The following VPS13B variants were observed in gnomAD, a reference collection of about 807,000 sequenced individuals.
The protein encoded by VPS13B is vacuolar protein sorting 13 homolog B, also known as intermembrane lipid transfer protein VPS13B.
In VPS13B, 285 loss-of-function variants were observed where a neutral mutation model predicts 426.4. The observed-to-expected ratio is 0.67, with a 90% CI of 0.61 to 0.74. The LOEUF (loss-of-function observed/expected upper bound fraction) is 0.74, where lower values mean the gene tolerates loss of function less well. VPS13B is among the 30% of genes least tolerant of loss of function. The probability of loss-of-function intolerance (pLI) is 0.00; values close to 1 mark genes in which losing one functional copy is unlikely to be tolerated. For missense variants in VPS13B, 4,537 were observed against 4,782.6 expected, an observed-to-expected ratio of 0.95 and a Z score of 1.51; for synonymous variants, 1,676 against 1,676.4, an observed-to-expected ratio of 1.00 and a Z score of 0.01.
intron 15 of VPS13B, among the ~76,000 whole-genome samples, chr8:99,164,741 T>C (rs1308161298): frequency 6.6e-6 from 1 of 152,156 alleles, no homozygotes; most frequent in Non-Finnish European, 1.5e-5. Flanking sequence ...TTTTTAACTC[T>C]CTCTTTAACT....
chr8:99,133,277 G>A (rs573279443), intron 8 of VPS13B, among the ~76,000 whole-genome samples: 5 of 152,234 alleles, frequency 3.3e-5, no homozygotes, highest in African/African-American at 1.2e-4. Flanking sequence ...TGCTACTGTC[G>A]GACTTTTCTC....
In VPS13B at chr8:99,379,404, C is replaced by T. The variant is rs780100699; in HGVS notation, c.2825-4804C>T. ...TATTTTTTAATGTTTCCTTTTCTAG[C>T]TGTTACTAGTTTCACAAATTTTCAG... On this transcript the variant is annotated intron_variant, in intron 19 of 61. Transcript: ENST00000357162. Among the ~76,000 whole-genome samples the T allele has an allele frequency of 2.0e-5, 3 of 152,012 alleles. No individual in the cohort carries two copies. In the East Asian group the frequency reaches 5.8e-4, roughly 29 times the overall value.
chr8:99,028,254 G>C (rs1283065459), intron 2 of VPS13B, among the ~76,000 whole-genome samples: 14 of 151,672 alleles, frequency 9.2e-5, no homozygotes, highest in African/African-American at 4.8e-5. Context: ...GGTCGTGGCC[G>C]GGCAGAGGGG....
At chr8:99,277,947 A>G (rs185982987) in intron 19 of VPS13B, among the ~76,000 whole-genome samples, 2 of 152,328 alleles carry the variant, frequency 1.3e-5, no homozygotes, top group Non-Finnish European at 2.9e-5. Flanking sequence ...TGAAGTATCT[A>G]ATGGAATAGA....
At chr8:99,021,008 T>G (rs1841856592) in intron 2 of VPS13B, among the ~76,000 whole-genome samples, 1 of 152,236 alleles carries the variant, frequency 6.6e-6, no homozygotes. Context: ...ATTTCTGGTG[T>G]TGTCAGTTTT....
At chr8:99,094,864 A>G (rs1156289827) in intron 3 of VPS13B, among the ~76,000 whole-genome samples, 1 of 152,068 alleles carries the variant, frequency 6.6e-6, no homozygotes, top group Non-Finnish European at 1.5e-5. Flanking sequence ...TGATTAATGA[A>G]TTCATGGTGC....
rs186554555 is a variant in VPS13B at position 99,512,785 on chromosome 8, A to G, written c.4633+1273A>G. On this transcript the variant is annotated intron_variant, in intron 29 of 61. Coordinates refer to ENST00000357162, the MANE Select transcript of VPS13B (RefSeq NM_152564.5). ...AACACTTTGGGAGGCCGAGTCGGGC[A>G]GATCATGAGGTCAGGAGTTTGAGAC... Among the ~76,000 whole-genome samples the G allele has an allele frequency of 3.5e-3, 530 of 152,252 alleles. 6 individuals are homozygous for G. Among genetic ancestry groups the G allele is most frequent in the East Asian group, 0.032 (166 of 5,168 alleles).
intron 35 of VPS13B, among the ~76,000 whole-genome samples, chr8:99,685,069 G>A (rs1008133349): frequency 6.6e-6 from 1 of 152,178 alleles, no homozygotes; most frequent in African/African-American, 2.4e-5. Context: ...CCAAAGGGCT[G>A]GGATTACAGG....
At chr8:99,481,304 G>A (rs535628166) in intron 24 of VPS13B, among the ~76,000 whole-genome samples, 40 of 152,200 alleles carry the variant, frequency 2.6e-4, no homozygotes, top group African/African-American at 9.4e-4. Context: ...CTGGTTGAGA[G>A]GCATTTGTAT....
intron 16 of VPS13B, among the ~76,000 whole-genome samples, chr8:99,190,357 A>G (rs1289325716): frequency 6.6e-6 from 1 of 151,008 alleles, no homozygotes; most frequent in Non-Finnish European, 1.5e-5. Flanking sequence ...TTTTTTTAAT[A>G]TAATCGAAGA....
Position 99,859,404 on chromosome 8 carries a change from G to T in VPS13B, c.10968G>T (p.Gly3656=), listed in dbSNP as rs2130933693. 6.2e-7 allele frequency: 1 copy of T among 1,614,166 alleles called. No homozygotes were observed. The highest frequency in any genetic ancestry group is 8.5e-7 in the Non-Finnish European group (1 of 1,180,044). ...VADFFRLPYE[G]LTRGPGAFVS... is the part of the protein sequence containing the mutation. ...ACTTCTTCAGGCTTCCGTATGAGGG[G>T]CTGACCCGGGGCCCTGGAGCCTTCG... Residue 3656 remains glycine, a synonymous_variant, in exon 57 of 62, where the codon GGG becomes GGT. Coordinates refer to ENST00000357162, the MANE Select transcript of VPS13B (RefSeq NM_152564.5).
chr8:99,478,447 G>GTTTTTTTTTTTTT (rs56261645), intron 24 of VPS13B, among the ~76,000 whole-genome samples: 49 of 85,750 alleles, frequency 5.7e-4, no homozygotes, highest in Non-Finnish European at 7.6e-4. Flanking sequence ...TTTTTGTTTT[G>GTTTTTTTTTTTTT]TTTTTTTTTT....
chr8:99,049,929 G>A (rs1266518108), intron 3 of VPS13B, among the ~76,000 whole-genome samples: 2 of 151,696 alleles, frequency 1.3e-5, no homozygotes, highest in African/African-American at 4.8e-5. Context: ...TTTGAGCTCT[G>A]AAGTTCTTTC....
intron 17 of VPS13B, among the ~76,000 whole-genome samples, chr8:99,261,840 TAGA>T (rs1181592864): frequency 2.6e-5 from 4 of 152,174 alleles, no homozygotes; most frequent in Non-Finnish European, 4.4e-5. Context: ...ATTTTAGAGT[TAGA>T]AGCACATTTT....
At chr8:99,655,104 T>C (rs1394324092) in intron 34 of VPS13B, among the ~76,000 whole-genome samples, 1 of 152,214 alleles carries the variant, frequency 6.6e-6, no homozygotes, top group African/African-American at 2.4e-5. Context: ...TAAAAGTTGA[T>C]ACACCCAGAC....
At chr8:99,234,142 G>C in intron 17 of VPS13B, 1 of 784,446 alleles carries the variant, frequency 1.3e-6, no homozygotes, top group Non-Finnish European at 2.4e-6. Context: ...CTCGCTGAGG[G>C]GGTAAAGGGG....
chr8:99,029,298 G>GC (rs530753861), intron 2 of VPS13B, among the ~76,000 whole-genome samples: 46 of 150,808 alleles, frequency 3.1e-4, no homozygotes, highest in Middle Eastern at 3.4e-3. Flanking sequence ...TCCAGACTGG[G>GC]CAGCCAGGCA....
At chr8:99,074,119 T>A (rs1317678023) in intron 3 of VPS13B, among the ~76,000 whole-genome samples, 1 of 152,108 alleles carries the variant, frequency 6.6e-6, no homozygotes, top group East Asian at 1.9e-4. Context: ...CTGTGTTGAG[T>A]AAGAATGGTG....
rs1816394100 is a variant in VPS13B at position 99,853,464 on chromosome 8, A to G, written c.10075A>G (p.Ile3359Val). 2 of 1,614,038 alleles carry G rather than the reference A, an allele frequency of 1.2e-6. No individual in the cohort carries two copies. The highest frequency in any genetic ancestry group is 2.2e-5 in the South Asian group (2 of 91,072). Residue 3359 changes from isoleucine (I) to valine (V), a missense_variant, in exon 56 of 62, where the codon ATT becomes GTT. Ile to Val is a conservative substitution (Grantham distance 29). Around this residue, in one of 2 missense-constraint regions of VPS13B, gnomAD observed 4,311 missense variants for 4,474.3 expected, o/e 0.96. Transcript: ENST00000357162. Reference protein sequence around the residue: ...LTNTNRAPEKIVTFKMFITQL... With the variant: ...LTNTNRAPEKVVTFKMFITQL... ...TTTCTCCTCTAGAGCGCCAGAGAAG[A>G]TTGTTACATTTAAAATGTTCATCAC...
Sources: allele counts gnomAD v4.1 joint callset (sites outside exome capture counted in the v4.1 genomes callset), GRCh38; gene constraint gnomAD v4.1.1; regional missense constraint gnomAD v4.1.1; transcripts MANE v1.5; gene names NCBI Gene and HGNC (gene_info 2026-07-23, HGNC 2026-07-21).